Variants in UGT1A8 observed in about 807,000 individuals in gnomAD.
The protein encoded by UGT1A8 is UDP glucuronosyltransferase family 1 member A8.
UGT1A8 carries 39 observed loss-of-function variants against 45.3 expected under a neutral mutation model. That is an observed-to-expected ratio of 0.86 (90% confidence interval 0.67 to 1.12). The LOEUF (loss-of-function observed/expected upper bound fraction) is 1.12, where lower values mean the gene tolerates loss of function less well. UGT1A8 is among the 50% of genes most tolerant of loss of function. The probability of loss-of-function intolerance (pLI) is 0.00; values close to 1 mark genes in which losing one functional copy is unlikely to be tolerated. For missense variants in UGT1A8, 719 were observed against 664.9 expected (o/e 1.08, Z -0.90); for synonymous variants, 275 against 249.2 (o/e 1.10, Z -0.97).
At chr2:233,741,761 G>T (rs1691766534) in intron 1 of UGT1A8, 3 of 151,840 alleles carry the variant, frequency 2.0e-5, no homozygotes, top group Admixed American at 6.5e-5. Flanking sequence ...TTAATGATGT[G>T]TTCAGGCCAT....
intron 1 of UGT1A8, among the ~76,000 whole-genome samples, chr2:233,622,013 G>A (rs1249439539): frequency 6.6e-6 from 1 of 152,136 alleles, no homozygotes; most frequent in Non-Finnish European, 1.5e-5. Flanking sequence ...AGTTTGCTGA[G>A]AACGATAGTT....
At chr2:233,711,197 T>A (rs2076167789) in intron 1 of UGT1A8, among the ~76,000 whole-genome samples, 1 of 152,222 alleles carries the variant, frequency 6.6e-6, no homozygotes, top group African/African-American at 2.4e-5. Flanking sequence ...CTCCCCACAG[T>A]CCTGCTCTCC....
intron 1 of UGT1A8, among the ~76,000 whole-genome samples, chr2:233,676,850 T>C (rs2074373465): frequency 6.6e-6 from 1 of 152,184 alleles, no homozygotes; most frequent in Admixed American, 6.6e-5. Flanking sequence ...CTCCACTGCA[T>C]TGCCTTTGTA....
At chr2:233,740,216 C>T (rs2125828149) in intron 1 of UGT1A8, among the ~76,000 whole-genome samples, 1 of 151,920 alleles carries the variant, frequency 6.6e-6, no homozygotes, top group Admixed American at 6.5e-5. Flanking sequence ...CCAGTCTCAG[C>T]TGCGTCTTTA....
rs753289474 is a variant in UGT1A8 at position 233,769,632 on chromosome 2, G to C, written c.1295+1193G>C. ...CACCAGCTTGAGCAAGGGACAACAG[G>C]GGAGGACTGATGACTGACTTCCCAC... On this transcript the variant is annotated intron_variant, in intron 4 of 4. Transcript: ENST00000373450. This position sits in a 1 kb window ranked among gnomAD's most constrained non-coding sequence, Gnocchi z 4.4. The C allele has an allele frequency of 1.7e-5, 27 of 1,611,424 alleles. No individual in the cohort carries two copies. Among genetic ancestry groups the C allele is most frequent in the Non-Finnish European group, 1.8e-5 (21 of 1,179,338 alleles).
chr2:233,706,663 G>T (rs2075918745), intron 1 of UGT1A8, among the ~76,000 whole-genome samples: 1 of 152,176 alleles, frequency 6.6e-6, no homozygotes, highest in South Asian at 2.1e-4. Context: ...CTGTAGGTCT[G>T]ATTTCTACTC....
At chr2:233,669,412 AACATTTTAACAATT>A (rs1466392802) in intron 1 of UGT1A8, among the ~76,000 whole-genome samples, 1 of 152,214 alleles carries the variant, frequency 6.6e-6, no homozygotes, top group African/African-American at 2.4e-5. Flanking sequence ...AAGGAAAAAT[AACATTTTAACAATT>A]TTGAGTTTTC....
chr2:233,618,641 T>G, intron 1 of UGT1A8, 79 bp downstream of exon 1: 1 of 1,523,740 alleles, frequency 6.6e-7, no homozygotes. Flanking sequence ...GAATTGTGAT[T>G]TGACATTTTC....
At chr2:233,671,751 C>T in intron 1 of UGT1A8, 1 of 1,299,172 alleles carries the variant, frequency 7.7e-7, no homozygotes, top group Non-Finnish European at 1.0e-6. Flanking sequence ...ATAGATATCT[C>T]AGCAAAAGCT....
chr2:233,760,258 G>T (rs1164776908), intron 1 of UGT1A8: 1 of 1,611,202 alleles, frequency 6.2e-7, no homozygotes, highest in South Asian at 1.1e-5. Flanking sequence ...AAGTAGGAGA[G>T]GGCGAACCTC....
chr2:233,702,050 A>G (rs1303432202), intron 1 of UGT1A8, among the ~76,000 whole-genome samples: 1 of 152,210 alleles, frequency 6.6e-6, no homozygotes, highest in Admixed American at 6.5e-5. Context: ...AAAATTAACA[A>G]TTCACTAATT....
At chr2:233,721,341 A>G (rs1240342005) in intron 1 of UGT1A8, among the ~76,000 whole-genome samples, 4 of 152,142 alleles carry the variant, frequency 2.6e-5, no homozygotes, top group Admixed American at 2.6e-4. Context: ...CACTATGAAT[A>G]TATTCTTTAG....
intron 2 of UGT1A8, 51 bp from the exon 3 acceptor site, chr2:233,767,798 C>G (rs1319499928): frequency 6.2e-7 from 1 of 1,614,062 alleles, no homozygotes; most frequent in Admixed American, 1.7e-5. Context: ...GATTTGTTTT[C>G]TAATCATATT....
intron 1 of UGT1A8, among the ~76,000 whole-genome samples, chr2:233,665,407 A>G (rs2074054087): frequency 6.6e-6 from 1 of 152,228 alleles, no homozygotes; most frequent in African/African-American, 2.4e-5. Flanking sequence ...GTGCATCCCC[A>G]GCAGCTTTAC....
chr2:233,636,323 A>G (rs1029837205), intron 1 of UGT1A8: 7 of 882,600 alleles, frequency 7.9e-6, no homozygotes, highest in South Asian at 2.6e-5. Flanking sequence ...GAAATCATAC[A>G]AGTAGGTATC....
At chr2:233,674,552 C>T (rs1230219816) in intron 1 of UGT1A8, among the ~76,000 whole-genome samples, 1 of 151,992 alleles carries the variant, frequency 6.6e-6, no homozygotes, top group Admixed American at 6.6e-5. Context: ...GATATAAAAA[C>T]CTATATATGA....
intron 1 of UGT1A8, chr2:233,692,894 G>A: frequency 6.5e-7 from 1 of 1,528,362 alleles, no homozygotes. Context: ...CAAGGGAGAG[G>A]TAGACAGGAC....
At chr2:233,755,384 G>A in intron 1 of UGT1A8, 2 of 348,148 alleles carry the variant, frequency 5.7e-6, no homozygotes, top group Non-Finnish European at 1.1e-5. Context: ...CGCCCCTTAT[G>A]ACGCAGCCAC....
chr2:233,666,099 A>C (rs2074070915), intron 1 of UGT1A8, among the ~76,000 whole-genome samples: 1 of 152,228 alleles, frequency 6.6e-6, no homozygotes, highest in Non-Finnish European at 1.5e-5. Context: ...ACTTCCACTC[A>C]TGGCAGAAGG....
Sources: gnomAD v4.1 joint callset for allele counts (sites outside exome capture counted in the v4.1 genomes callset) on GRCh38, gnomAD v4.1.1 for gene constraint, Gnocchi (gnomAD v3.1) non-coding constraint, MANE v1.5 for transcripts, NCBI Gene and HGNC (gene_info 2026-07-23, HGNC 2026-07-21) for gene names.